SLC24A2: variants seen among roughly 807,000 people sequenced by gnomAD.
The protein encoded by SLC24A2 is sodium/potassium/calcium exchanger 2.
SLC24A2 carries 36 observed loss-of-function variants against 62.0 expected under a neutral mutation model. That is an observed-to-expected ratio of 0.58 (90% CI 0.44 to 0.77). The LOEUF (loss-of-function observed/expected upper bound fraction) is 0.77. Ranked by LOEUF, SLC24A2 falls within the 30% of genes least tolerant of loss-of-function variation. The pLI is 0.00. For synonymous variants in SLC24A2, 358 were observed against 294.0 expected (o/e 1.22, Z -2.23); for missense variants, 846 against 817.9 (o/e 1.03, Z -0.42).
chr9:19,693,384 C>T (rs1820097061), intron 2 of SLC24A2, among the ~76,000 whole-genome samples: 1 of 152,014 alleles, frequency 6.6e-6, no homozygotes, highest in African/African-American at 2.4e-5. Flanking sequence ...AGGATTTGGT[C>T]CATGGTAGGT....
chr9:20,051,657 C>CTTTTTTCTTT, the SLC24A2 span, among the ~76,000 whole-genome samples: 1 of 73,514 alleles, frequency 1.4e-5, no homozygotes, highest in South Asian at 4.5e-4. Context: ...TTTTCTTTCT[C>CTTTTTTCTTT]TTTTTTTTTT....
chr9:19,918,699 C>T, the SLC24A2 span, among the ~76,000 whole-genome samples: 1 of 152,180 alleles, frequency 6.6e-6, no homozygotes, highest in African/African-American at 2.4e-5. Context: ...TAAATGTATT[C>T]ACCAAGAGAA....
At chr9:19,663,899 G>C (rs1160642863) in intron 2 of SLC24A2, among the ~76,000 whole-genome samples, 1 of 152,236 alleles carries the variant, frequency 6.6e-6, no homozygotes, top group Admixed American at 6.5e-5. Flanking sequence ...AATTTGCAAA[G>C]AGGAATTGAT....
the SLC24A2 span, among the ~76,000 whole-genome samples, chr9:20,016,427 A>C: frequency 4.6e-5 from 7 of 152,196 alleles, no homozygotes; most frequent in Non-Finnish European, 1.0e-4. Flanking sequence ...TGCATTGGTA[A>C]AATGTTCTAT....
At chr9:20,041,137 A>AGTGCGTGTGTGTACGC in the SLC24A2 span, among the ~76,000 whole-genome samples, 1 of 152,194 alleles carries the variant, frequency 6.6e-6, no homozygotes, top group African/African-American at 2.4e-5. Context: ...AAAGAGAGAG[A>AGTGCGTGTGTGTACGC]GTGCGTGTGT....
the SLC24A2 span, among the ~76,000 whole-genome samples, chr9:20,039,307 G>C: frequency 9.9e-5 from 15 of 152,178 alleles, no homozygotes; most frequent in East Asian, 2.5e-3. Context: ...TGTACTGCAG[G>C]GGAGTGGGGC....
intron 7 of SLC24A2, among the ~76,000 whole-genome samples, chr9:19,565,712 C>T (rs370074535): frequency 2.8e-4 from 42 of 152,302 alleles, no homozygotes; most frequent in East Asian, 2.5e-3. Flanking sequence ...TGACTTCAAA[C>T]TATACTACAA....
intron 2 of SLC24A2, among the ~76,000 whole-genome samples, chr9:19,697,058 T>C (rs1342179616): frequency 6.6e-6 from 1 of 152,176 alleles, no homozygotes; most frequent in Non-Finnish European, 1.5e-5. Context: ...GTGTAACTGA[T>C]TATATTTGAA....
intron 8 of SLC24A2, among the ~76,000 whole-genome samples, chr9:19,536,201 T>C (rs1586912084): frequency 6.8e-6 from 1 of 147,666 alleles, no homozygotes; most frequent in Non-Finnish European, 1.5e-5. Context: ...TTTTTATTTA[T>C]TTATTTTTTT....
chr9:19,825,059 C>T, the SLC24A2 span, among the ~76,000 whole-genome samples: 1 of 152,084 alleles, frequency 6.6e-6, no homozygotes, highest in African/African-American at 2.4e-5. Flanking sequence ...AGGACAAATA[C>T]CTAATGGCTG....
the SLC24A2 span, among the ~76,000 whole-genome samples, chr9:19,882,632 C>T: frequency 6.6e-6 from 1 of 150,836 alleles, no homozygotes; most frequent in Non-Finnish European, 1.5e-5. Flanking sequence ...GGATTTGGTC[C>T]CTCTGCAAAA....
chr9:20,164,815 T>C, the SLC24A2 span, among the ~76,000 whole-genome samples: 2 of 151,614 alleles, frequency 1.3e-5, no homozygotes, highest in Non-Finnish European at 2.9e-5. Context: ...TAAAAAATGA[T>C]GAGTTCATGT....
the SLC24A2 span, among the ~76,000 whole-genome samples, chr9:19,902,986 T>C: frequency 2.6e-5 from 4 of 151,810 alleles, no homozygotes; most frequent in Non-Finnish European, 5.9e-5. Context: ...AGATCCTACC[T>C]AGGAAAAAGA....
At chr9:20,267,440 G>T in the SLC24A2 span, among the ~76,000 whole-genome samples, 1 of 152,082 alleles carries the variant, frequency 6.6e-6, no homozygotes, top group Non-Finnish European at 1.5e-5. Flanking sequence ...GTCTGGCCAG[G>T]ACCCCCGAGT....
At chr9:20,235,924 T>C in the SLC24A2 span, among the ~76,000 whole-genome samples, 1 of 152,350 alleles carries the variant, frequency 6.6e-6, no homozygotes, top group Non-Finnish European at 1.5e-5. Flanking sequence ...AGCCTCACTG[T>C]AAGCTTTCCA....
chr9:19,719,214 C>T (rs1206557287), intron 2 of SLC24A2, among the ~76,000 whole-genome samples: 3 of 152,172 alleles, frequency 2.0e-5, no homozygotes, highest in Admixed American at 6.5e-5. Flanking sequence ...TGGTTACTAG[C>T]ATTGAGCTTT....
At chr9:19,551,764 G>A (rs1381748873) in intron 7 of SLC24A2, among the ~76,000 whole-genome samples, 1 of 152,200 alleles carries the variant, frequency 6.6e-6, no homozygotes, top group South Asian at 2.1e-4. Context: ...GGCTGGGTGA[G>A]AGGCCGGGCT....
the SLC24A2 span, among the ~76,000 whole-genome samples, chr9:19,987,598 C>T: frequency 6.6e-6 from 1 of 152,136 alleles, no homozygotes; most frequent in Admixed American, 6.6e-5. Context: ...GCATTTGGCT[C>T]CTTGGTCTCC....
intron 4 of SLC24A2, among the ~76,000 whole-genome samples, chr9:19,601,721 T>A (rs1719325427): frequency 6.6e-6 from 1 of 152,194 alleles, no homozygotes; most frequent in South Asian, 2.1e-4. Flanking sequence ...ATATATAGTT[T>A]GGAGCCTTAC....
Sources: gnomAD v4.1 joint callset for allele counts (sites outside exome capture counted in the v4.1 genomes callset) on GRCh38, gnomAD v4.1.1 for gene constraint, MANE v1.5 for transcripts, NCBI Gene and HGNC (gene_info 2026-07-23, HGNC 2026-07-21) for gene names.